Variants in CTNNA2 observed in about 807,000 individuals in gnomAD.
The protein encoded by CTNNA2 is catenin alpha-2.
Under a neutral mutation model 101.0 loss-of-function variants are expected in CTNNA2, and 42 were observed. That is an observed-to-expected ratio of 0.42 (90% CI 0.32 to 0.54). CTNNA2 has a LOEUF of 0.54. CTNNA2 is among the 20% of genes least tolerant of loss of function. The pLI is 0.14. For synonymous variants in CTNNA2, 450 were observed against 456.4 expected, an observed-to-expected ratio of 0.99 and a Z score of 0.18; for missense variants, 871 against 1,223.1, an observed-to-expected ratio of 0.71 and a Z score of 4.29.
chr2:79,721,052 A>G (rs997749287), intron 2 of CTNNA2, among the ~76,000 whole-genome samples: 3 of 138,722 alleles, frequency 2.2e-5, no homozygotes, highest in East Asian at 4.0e-4. Flanking sequence ...CCAGAAAAGT[A>G]TGATTTTTTT....
At chr2:80,060,475 C>A (rs191095540) in intron 7 of CTNNA2, among the ~76,000 whole-genome samples, 2 of 152,270 alleles carry the variant, frequency 1.3e-5, no homozygotes, top group Admixed American at 1.3e-4. Context: ...AGGGCAAAAC[C>A]ATTCAATATC....
chr2:80,387,261 C>T (rs1478315925), intron 7 of CTNNA2, among the ~76,000 whole-genome samples: 1 of 151,914 alleles, frequency 6.6e-6, no homozygotes, highest in Non-Finnish European at 1.5e-5. Flanking sequence ...TGCACTCCAG[C>T]CTGGGCAATA....
At chr2:80,516,816 C>T (rs1689148802) in intron 9 of CTNNA2, among the ~76,000 whole-genome samples, 1 of 152,210 alleles carries the variant, frequency 6.6e-6, no homozygotes, top group South Asian at 2.1e-4. Context: ...TTCCACTTTT[C>T]TAACAACGGT....
At chr2:79,285,264 T>C (rs1429361808) in intron 2 of CTNNA2, among the ~76,000 whole-genome samples, 1 of 150,672 alleles carries the variant, frequency 6.6e-6, no homozygotes, top group Admixed American at 6.6e-5. Context: ...TCAGTTCTGC[T>C]CTGATTTTAG....
chr2:80,577,415 G>A (rs1451917912), intron 13 of CTNNA2, among the ~76,000 whole-genome samples: 1 of 152,106 alleles, frequency 6.6e-6, no homozygotes, highest in Non-Finnish European at 1.5e-5. Flanking sequence ...CATGTTTCCG[G>A]CGGAGGAAAT....
intron 7 of CTNNA2, among the ~76,000 whole-genome samples, chr2:80,268,288 C>T (rs567192660): frequency 1.1e-4 from 17 of 152,298 alleles, no homozygotes; most frequent in African/African-American, 4.1e-4. Context: ...GCTATCAGAC[C>T]TAAAGAGGTC....
chr2:79,502,422 A>G (rs1671330409), intron 4 of CTNNA2, among the ~76,000 whole-genome samples: 1 of 152,198 alleles, frequency 6.6e-6, no homozygotes, highest in South Asian at 2.1e-4. Flanking sequence ...GGATACAAAA[A>G]TAACAGACTG....
intron 7 of CTNNA2, among the ~76,000 whole-genome samples, chr2:79,970,770 T>A (rs1302772122): frequency 6.6e-6 from 1 of 151,998 alleles, no homozygotes; most frequent in East Asian, 1.9e-4. Flanking sequence ...CTTTCATCCT[T>A]TGATGAAAGC....
At chr2:79,239,825 T>C (rs1263467848) in intron 2 of CTNNA2, among the ~76,000 whole-genome samples, 31 of 152,144 alleles carry the variant, frequency 2.0e-4, no homozygotes, top group Admixed American at 2.0e-3. Flanking sequence ...ATCCGGAATA[T>C]ACGAGGAACG....
chr2:80,085,221 A>G (rs1358931614), intron 7 of CTNNA2, among the ~76,000 whole-genome samples: 1 of 152,078 alleles, frequency 6.6e-6, no homozygotes, highest in African/African-American at 2.4e-5. Flanking sequence ...TCTGCTCATC[A>G]CAGTTGCTCA....
chr2:79,627,213 T>C (rs1679377182), intron 1 of CTNNA2, among the ~76,000 whole-genome samples: 1 of 152,258 alleles, frequency 6.6e-6, no homozygotes, highest in Admixed American at 6.5e-5. Context: ...ATAGAGAATG[T>C]GTTGTGTCAA....
chr2:79,999,163 C>G (rs894702236), intron 7 of CTNNA2, among the ~76,000 whole-genome samples: 4 of 152,198 alleles, frequency 2.6e-5, no homozygotes, highest in Admixed American at 2.0e-4. Context: ...GAGGCTGTCT[C>G]TATCCCAGCT....
At chr2:79,345,730 T>C (rs900367892) in intron 3 of CTNNA2, among the ~76,000 whole-genome samples, 2 of 152,174 alleles carry the variant, frequency 1.3e-5, no homozygotes, top group Admixed American at 6.5e-5. Flanking sequence ...TTTCACTTTG[T>C]TGCCCAGGCT....
chr2:79,868,552 C>T (rs542359055), intron 4 of CTNNA2, among the ~76,000 whole-genome samples: 10 of 152,344 alleles, frequency 6.6e-5, no homozygotes, highest in African/African-American at 2.4e-4. Flanking sequence ...CAATTAAGTT[C>T]AGATCTGAGT....
intron 3 of CTNNA2, among the ~76,000 whole-genome samples, chr2:79,857,628 C>T (rs117227464): frequency 6.6e-6 from 1 of 152,264 alleles, no homozygotes; most frequent in East Asian, 1.9e-4. Flanking sequence ...ATTTGTACCT[C>T]GACTGTCAGT....
At chr2:79,659,873 A>G (rs77533116) in intron 2 of CTNNA2, among the ~76,000 whole-genome samples, 51,047 of 152,014 alleles carry the variant, frequency 0.34, 9,461 homozygotes, top group East Asian at 0.75. Flanking sequence ...GTGGTGGCAC[A>G]TGCCAGCTGC....
At chr2:79,251,862 G>A (rs6739387) in intron 2 of CTNNA2, among the ~76,000 whole-genome samples, 69,596 of 152,030 alleles carry the variant, frequency 0.46, 16,488 homozygotes, top group East Asian at 0.51. Flanking sequence ...TGTTGTTTGA[G>A]ACTATTGAGT....
intron 9 of CTNNA2, among the ~76,000 whole-genome samples, chr2:80,469,314 T>C (rs1406924785): frequency 6.6e-6 from 1 of 152,214 alleles, no homozygotes; most frequent in African/African-American, 2.4e-5. Flanking sequence ...TAATTGATAA[T>C]TGTTTGATAA....
rs535464608 is a variant in CTNNA2, at chr2:79,340,886, T to C, written c.-318+28090T>C. Among the ~76,000 whole-genome samples, 69 of 91,750 alleles carry C rather than the reference T, an allele frequency of 7.5e-4. No individual in the cohort carries two copies. In the South Asian group the frequency reaches 0.02, roughly 26 times the overall value. 60.2% of individuals were successfully genotyped at this position (91,750 alleles called of 152,430 possible). ...AAAAAAGAAACACATGAGTACAGAA[T>C]CTAGGGATCTAGTAAAAAAAAAAAA... On this transcript the variant is annotated intron_variant, in intron 3 of 21. Coordinates refer to the CTNNA2 transcript ENST00000466387.
Sources: allele counts gnomAD v4.1 joint callset (sites outside exome capture counted in the v4.1 genomes callset), GRCh38; gene constraint gnomAD v4.1.1; transcripts MANE v1.5; gene names NCBI Gene and HGNC (gene_info 2026-07-23, HGNC 2026-07-21).